Variants in CDH13 observed in about 807,000 individuals in gnomAD.
The protein encoded by CDH13 is cadherin-13.
A neutral mutation model predicts 63.8 loss-of-function variants in CDH13; 24 were observed. That is an observed-to-expected ratio of 0.38 (90% CI 0.27 to 0.53). The LOEUF (loss-of-function observed/expected upper bound fraction) is 0.53. Ranked by LOEUF, CDH13 falls within the 20% of genes least tolerant of loss-of-function variation. The pLI is 0.85. For synonymous variants in CDH13, 503 were observed against 355.3 expected, an observed-to-expected ratio of 1.42 and a Z score of -4.67; for missense variants, 1,049 against 903.1, an observed-to-expected ratio of 1.16 and a Z score of -2.07.
At chr16:82,844,151 AG>A (rs2151138228) in intron 1 of CDH13, among the ~76,000 whole-genome samples, 1 of 152,298 alleles carries the variant, frequency 6.6e-6, no homozygotes, top group East Asian at 1.9e-4. Context: ...GAAGGGAAGT[AG>A]GAGGAGCCAG....
At chr16:83,149,367 G>A (rs2036879245) in intron 4 of CDH13, among the ~76,000 whole-genome samples, 1 of 152,194 alleles carries the variant, frequency 6.6e-6, no homozygotes. Context: ...GACATCTCAT[G>A]AGGCGATGTT....
intron 5 of CDH13, among the ~76,000 whole-genome samples, chr16:83,255,993 C>T (rs1906214869): frequency 1.3e-5 from 2 of 152,068 alleles, no homozygotes; most frequent in South Asian, 4.2e-4. Context: ...TTCCTAGGGC[C>T]ACTGAGGATT....
At chr16:83,258,358 A>G (rs1450038063) in intron 5 of CDH13, among the ~76,000 whole-genome samples, 1 of 152,210 alleles carries the variant, frequency 6.6e-6, no homozygotes, top group African/African-American at 2.4e-5. Context: ...CCTGCTTATT[A>G]AGATGCACCT....
chr16:83,561,454 C>G (rs1158517655), intron 7 of CDH13, among the ~76,000 whole-genome samples: 1 of 146,844 alleles, frequency 6.8e-6, no homozygotes, highest in Non-Finnish European at 1.5e-5. Context: ...AAACTTCAAG[C>G]AAGGGAGGCT....
At chr16:83,374,999 G>C (rs951617685) in intron 6 of CDH13, among the ~76,000 whole-genome samples, 6 of 152,206 alleles carry the variant, frequency 3.9e-5, no homozygotes, top group African/African-American at 1.2e-4. Context: ...TTCCGAAAAT[G>C]ATGTAATGAT....
chr16:83,303,540 C>T (rs773369976), intron 5 of CDH13, among the ~76,000 whole-genome samples: 10 of 152,096 alleles, frequency 6.6e-5, no homozygotes, highest in Non-Finnish European at 1.3e-4. Context: ...AATTTCCAGG[C>T]TCTTTGTCAT....
chr16:83,447,137 G>A (rs1384189519), intron 6 of CDH13, among the ~76,000 whole-genome samples: 2 of 46,706 alleles, frequency 4.3e-5, no homozygotes, highest in Non-Finnish European at 9.2e-5. Context: ...GGTTTGTGCT[G>A]GATGCGGTGG....
intron 1 of CDH13, among the ~76,000 whole-genome samples, chr16:82,732,775 A>T (rs1322135910): frequency 1.3e-5 from 2 of 152,204 alleles, no homozygotes; most frequent in African/African-American, 2.4e-5. Flanking sequence ...TGTTTTCAGG[A>T]ACACTGAGGA....
intron 7 of CDH13, among the ~76,000 whole-genome samples, chr16:83,552,434 T>C (rs887856660): frequency 4.6e-5 from 7 of 152,222 alleles, no homozygotes; most frequent in African/African-American, 1.7e-4. Context: ...CGTGCTCACA[T>C]GCTAAATCCT....
At chr16:83,400,830 A>G (rs1171420427) in intron 6 of CDH13, among the ~76,000 whole-genome samples, 2 of 152,164 alleles carry the variant, frequency 1.3e-5, no homozygotes, top group African/African-American at 2.4e-5. Flanking sequence ...CTTGAAATGC[A>G]CTGAAGCCTA....
At chr16:83,396,208 G>A (rs2091883970) in intron 6 of CDH13, among the ~76,000 whole-genome samples, 1 of 152,144 alleles carries the variant, frequency 6.6e-6, no homozygotes, top group East Asian at 1.9e-4. Context: ...TGGGCACTTA[G>A]GTTGATTCCG....
intron 11 of CDH13, among the ~76,000 whole-genome samples, chr16:83,770,588 G>A (rs2150997596): frequency 6.6e-6 from 1 of 152,334 alleles, no homozygotes; most frequent in Middle Eastern, 3.4e-3. Flanking sequence ...AGACAGAGCA[G>A]CCCCAAAGGC....
At chr16:83,362,722 T>G (rs1234797222) in intron 6 of CDH13, among the ~76,000 whole-genome samples, 1 of 152,214 alleles carries the variant, frequency 6.6e-6, no homozygotes, top group African/African-American at 2.4e-5. Context: ...TCTGTCTCAT[T>G]GTGGGTTAAT....
intron 8 of CDH13, among the ~76,000 whole-genome samples, chr16:83,618,688 G>T (rs1909521185): frequency 6.6e-6 from 1 of 152,012 alleles, no homozygotes; most frequent in Admixed American, 6.6e-5. Context: ...GTGAATAAAT[G>T]AATCTACATA....
intron 2 of CDH13, among the ~76,000 whole-genome samples, chr16:82,904,503 CTA>C (rs2041578583): frequency 6.6e-6 from 1 of 152,198 alleles, no homozygotes; most frequent in Non-Finnish European, 1.5e-5. Context: ...CGGGGGAAAA[CTA>C]TTAGGTTGGG....
intron 7 of CDH13, among the ~76,000 whole-genome samples, chr16:83,521,296 C>T (rs2074829378): frequency 2.0e-5 from 3 of 151,602 alleles, no homozygotes; most frequent in Admixed American, 6.6e-5. Context: ...CCCTGTATGA[C>T]TGTGAGGTCC....
chr16:83,385,598 T>C (rs988245400), intron 6 of CDH13, among the ~76,000 whole-genome samples: 4 of 152,222 alleles, frequency 2.6e-5, no homozygotes. Flanking sequence ...ATGGGGTCTC[T>C]ATGGTCACCT....
At chr16:82,953,821 C>A (rs1905645963) in intron 2 of CDH13, 3 of 152,032 alleles carry the variant, frequency 2.0e-5, no homozygotes, top group Admixed American at 2.0e-4. Context: ...CAATTCCAGT[C>A]AATTATTTGT....
At chr16:83,360,696 G>C (rs1338232914) in intron 6 of CDH13, among the ~76,000 whole-genome samples, 1 of 152,130 alleles carries the variant, frequency 6.6e-6, no homozygotes, top group Non-Finnish European at 1.5e-5. Context: ...ACTTATAAGT[G>C]AGAATGTGCT....
Sources: gnomAD v4.1 joint callset for allele counts (sites outside exome capture counted in the v4.1 genomes callset) on GRCh38, gnomAD v4.1.1 for gene constraint, MANE v1.5 for transcripts, NCBI Gene and HGNC (gene_info 2026-07-23, HGNC 2026-07-21) for gene names.